TDRD3: variants seen among roughly 807,000 people sequenced by gnomAD.
The protein encoded by TDRD3 is tudor domain-containing protein 3.
In TDRD3, 45 loss-of-function variants were observed where a neutral mutation model predicts 86.7. The ratio of observed to expected loss-of-function variants is 0.52; its 90% confidence interval spans 0.41 to 0.67. The LOEUF (loss-of-function observed/expected upper bound fraction) is 0.67, where lower values mean the gene tolerates loss of function less well. Among genes scored for constraint, TDRD3 ranks in the 30% least tolerant of loss-of-function variants. The pLI is 0.00. For synonymous variants in TDRD3, 298 were observed against 301.7 expected, an observed-to-expected ratio of 0.99 and a Z score of 0.13; for missense variants, 814 against 889.0, an observed-to-expected ratio of 0.92 and a Z score of 1.07.
At chr13:60,506,610 A>G (rs1956942822) in intron 8 of TDRD3, among the ~76,000 whole-genome samples, 1 of 152,124 alleles carries the variant, frequency 6.6e-6, no homozygotes, top group Admixed American at 6.5e-5. Flanking sequence ...TACAAAAACT[A>G]GCTGGGCGTT....
chr13:60,509,674 T>A (rs760437488), intron 8 of TDRD3, 89 bp from the exon 9 acceptor site: 4 of 1,498,126 alleles, frequency 2.7e-6, no homozygotes, highest in Non-Finnish European at 3.7e-6. Context: ...TGGGATGTAA[T>A]TTTTAGTTAA....
intron 1 of TDRD3, among the ~76,000 whole-genome samples, chr13:60,413,298 G>A (rs1470083055): frequency 6.6e-6 from 1 of 152,136 alleles, no homozygotes; most frequent in African/African-American, 2.4e-5. Flanking sequence ...CAAAAACACT[G>A]CCATGTACCT....
At chr13:60,437,956 T>C (rs1163254370) in intron 1 of TDRD3, among the ~76,000 whole-genome samples, 2 of 152,200 alleles carry the variant, frequency 1.3e-5, no homozygotes, top group African/African-American at 4.8e-5. Flanking sequence ...ATTACACTAT[T>C]CCTTTTCTGT....
At chr13:60,398,556 A>G (rs2137781487) in intron 1 of TDRD3, among the ~76,000 whole-genome samples, 1 of 152,358 alleles carries the variant, frequency 6.6e-6, no homozygotes, top group East Asian at 1.9e-4. Context: ...GTAGAGGGAT[A>G]TAATCACAAC....
At chr13:60,431,568 C>T (rs935008065) in intron 1 of TDRD3, among the ~76,000 whole-genome samples, 11 of 151,562 alleles carry the variant, frequency 7.3e-5, no homozygotes, top group Middle Eastern at 3.4e-3. Context: ...GATATCAAGG[C>T]ATTTCATATT....
At chr13:60,544,458 AAGAAAG>A in intron 12 of TDRD3, among the ~76,000 whole-genome samples, 1 of 150,776 alleles carries the variant, frequency 6.6e-6, no homozygotes, top group Non-Finnish European at 1.5e-5. Context: ...AAAAAAAAAA[AAGAAAG>A]AAAGAAAAAA....
intron 1 of TDRD3, among the ~76,000 whole-genome samples, chr13:60,419,799 T>TA (rs552540049): frequency 5.1e-4 from 69 of 136,590 alleles, no homozygotes; most frequent in Admixed American, 9.3e-4. Flanking sequence ...TAAAGTAAAA[T>TA]AAAAAAAAAA....
At chr13:60,436,242 T>C (rs116964290) in intron 1 of TDRD3, among the ~76,000 whole-genome samples, 1 of 152,104 alleles carries the variant, frequency 6.6e-6, no homozygotes, top group Non-Finnish European at 1.5e-5. Context: ...TCTTTTGTTG[T>C]GCAGAAGCTT....
At chr13:60,504,124 C>T (rs1211270185) in intron 8 of TDRD3, among the ~76,000 whole-genome samples, 3 of 152,070 alleles carry the variant, frequency 2.0e-5, no homozygotes, top group Non-Finnish European at 4.4e-5. Flanking sequence ...TTATAATTTG[C>T]TTAATTACCT....
intron 8 of TDRD3, among the ~76,000 whole-genome samples, chr13:60,507,220 A>G (rs1256891435): frequency 6.6e-6 from 1 of 152,200 alleles, no homozygotes; most frequent in African/African-American, 2.4e-5. Flanking sequence ...AGACCTACAA[A>G]GAGATCTTAG....
At chr13:60,448,407 CTAAT>C in intron 3 of TDRD3, among the ~76,000 whole-genome samples, 1 of 152,276 alleles carries the variant, frequency 6.6e-6, no homozygotes, top group East Asian at 1.9e-4. Flanking sequence ...AGCTTTATTA[CTAAT>C]TAATATAGTA....
chr13:60,443,580 T>C (rs1955332358), intron 2 of TDRD3, among the ~76,000 whole-genome samples: 1 of 151,984 alleles, frequency 6.6e-6, no homozygotes, highest in Non-Finnish European at 1.5e-5. Flanking sequence ...TGTGGATATT[T>C]CAAATAGGAG....
At chr13:60,397,464 G>C in intron 1 of TDRD3, 59 bp downstream of exon 1, 1 of 1,403,072 alleles carries the variant, frequency 7.1e-7, no homozygotes, top group Non-Finnish European at 9.3e-7. Context: ...CCCCAGGGAG[G>C]TTGGGTTGGG....
At chr13:60,524,800 T>TA (rs938707382) in intron 10 of TDRD3, among the ~76,000 whole-genome samples, 2 of 151,904 alleles carry the variant, frequency 1.3e-5, no homozygotes, top group African/African-American at 4.8e-5. Context: ...CTAACTTCTT[T>TA]AAAAAACACA....
intron 1 of TDRD3, among the ~76,000 whole-genome samples, chr13:60,419,981 A>T (rs1022319223): frequency 3.3e-5 from 5 of 152,014 alleles, no homozygotes; most frequent in African/African-American, 7.2e-5. Flanking sequence ...AGAGATGAAA[A>T]GGTATTTTCA....
At position 60,485,814 on chromosome 13, in the gene TDRD3, G is replaced by T; in HGVS notation, c.583G>T (p.Val195Phe). ...GTTTTACTAGAAGTGTGTATCTCAT[G>T]TCCAAGTGGATAGCAGAGAACTTGA... is the stretch of plus-strand genomic sequence containing the variant. ...VPFGQKCVSH[V>F]QVDSRELDRR... Residue 195 changes from valine (V) to phenylalanine (F), a missense_variant, in exon 7 of 14, where the codon GTC becomes TTC. By Grantham distance (50) the Val-to-Phe change is conservative. Transcript: ENST00000377881. 1 of 1,602,932 alleles carries T rather than the reference G, an allele frequency of 6.2e-7. No individual in the cohort carries two copies. Among genetic ancestry groups the T allele is most frequent in the Non-Finnish European group, 8.5e-7 (1 of 1,175,342 alleles).
chr13:60,504,777 G>A (rs1323545906), intron 8 of TDRD3, among the ~76,000 whole-genome samples: 1 of 152,186 alleles, frequency 6.6e-6, no homozygotes, highest in African/African-American at 2.4e-5. Context: ...AGTGTGTGCA[G>A]CCCATGGAGG....
intron 10 of TDRD3, among the ~76,000 whole-genome samples, chr13:60,524,518 TAAATA>T (rs1566270986): frequency 6.9e-6 from 1 of 143,966 alleles, no homozygotes; most frequent in Admixed American, 6.9e-5. Context: ...AAAAAAAAAA[TAAATA>T]AATAAATAAA....
intron 8 of TDRD3, among the ~76,000 whole-genome samples, chr13:60,503,170 T>C (rs1001541956): frequency 6.6e-6 from 1 of 152,216 alleles, no homozygotes; most frequent in South Asian, 2.1e-4. Context: ...TCTGTTTTGC[T>C]TGATACTTGT....
Sources: gnomAD v4.1 joint callset for allele counts (sites outside exome capture counted in the v4.1 genomes callset) on GRCh38, gnomAD v4.1.1 for gene constraint, MANE v1.5 for transcripts, NCBI Gene and HGNC (gene_info 2026-07-23, HGNC 2026-07-21) for gene names.